RBFOX3: variants seen among roughly 807,000 people sequenced by gnomAD.
RBFOX3 encodes RNA binding protein fox-1 homolog 3.
A neutral mutation model predicts 48.7 loss-of-function variants in RBFOX3; 17 were observed. That is an observed-to-expected ratio of 0.35 (90% CI 0.24 to 0.52). The LOEUF (loss-of-function observed/expected upper bound fraction) is 0.52. RBFOX3 is among the 20% of genes least tolerant of loss of function. RBFOX3 has a pLI of 0.94. For synonymous variants in RBFOX3, 212 were observed against 209.5 expected, an observed-to-expected ratio of 1.01 and a Z score of -0.10; for missense variants, 382 against 497.5, an observed-to-expected ratio of 0.77 and a Z score of 2.21.
intron 2 of RBFOX3, among the ~76,000 whole-genome samples, chr17:79,372,528 G>A (rs2058703003): frequency 6.6e-6 from 1 of 151,720 alleles, no homozygotes; most frequent in African/African-American, 2.4e-5. Context: ...CCTGGCCCGG[G>A]CTCCCACCCC....
intron 4 of RBFOX3, among the ~76,000 whole-genome samples, chr17:79,127,164 C>A (rs755082760): frequency 1.6e-4 from 24 of 152,192 alleles, no homozygotes; most frequent in Non-Finnish European, 3.4e-4. Flanking sequence ...CAAATTATCA[C>A]CCGACGTCAC....
intron 1 of RBFOX3, among the ~76,000 whole-genome samples, chr17:79,530,865 A>C (rs2087639512): frequency 6.6e-6 from 1 of 152,222 alleles, no homozygotes; most frequent in Admixed American, 6.5e-5. Flanking sequence ...TGTTTGCAGC[A>C]GCGGATTCTA....
chr17:79,379,761 G>A (rs570129968), intron 2 of RBFOX3, among the ~76,000 whole-genome samples: 18 of 152,120 alleles, frequency 1.2e-4, no homozygotes, highest in South Asian at 2.1e-4. Context: ...TCCAATTCCC[G>A]GTCCAGATCG....
intron 4 of RBFOX3, among the ~76,000 whole-genome samples, chr17:79,190,351 C>A (rs900117245): frequency 6.9e-6 from 1 of 144,186 alleles, no homozygotes; most frequent in African/African-American, 2.6e-5. Flanking sequence ...GCGGAGGATG[C>A]GGTGAGCCGT....
chr17:79,420,446 T>C (rs2066129288), intron 2 of RBFOX3, among the ~76,000 whole-genome samples: 1 of 152,208 alleles, frequency 6.6e-6, no homozygotes, highest in Non-Finnish European at 1.5e-5. Context: ...GCCCCAGGGC[T>C]GCTGGGCGGA....
In RBFOX3 at chr17:79,388,687, C is replaced by T. The variant is rs1035737162; in HGVS notation, c.-174-80863G>A. 3.3e-5 allele frequency among the ~76,000 whole-genome samples: 5 copies of T among 152,212 alleles called. No individual in the cohort carries two copies. In the South Asian group the frequency reaches 6.2e-4, roughly 19 times the overall value. On this transcript the variant is annotated intron_variant, in intron 2 of 14. Transcript: ENST00000693108. ...CTCTAGTGGCCACGGAGGATGTCCA[C>T]GTCCCGGCCAGGGTTCCCGGCAAGG... is the stretch of plus-strand genomic sequence containing the variant.
intron 3 of RBFOX3, among the ~76,000 whole-genome samples, chr17:79,297,299 C>T (rs1020365811): frequency 6.6e-6 from 1 of 152,190 alleles, no homozygotes; most frequent in Admixed American, 6.5e-5. Context: ...CCCAGGCAGG[C>T]TTATCTATGG....
At chr17:79,531,631 C>T (rs1200939488) in intron 1 of RBFOX3, among the ~76,000 whole-genome samples, 2 of 152,166 alleles carry the variant, frequency 1.3e-5, no homozygotes, top group African/African-American at 4.8e-5. Flanking sequence ...AGGCCGGTCC[C>T]AACACCAGCC....
chr17:79,579,053 G>A (rs981930260), intron 1 of RBFOX3, among the ~76,000 whole-genome samples: 27 of 152,174 alleles, frequency 1.8e-4, no homozygotes, highest in African/African-American at 4.3e-4. Flanking sequence ...ATGCGTCTCC[G>A]TCGCGTTCCC....
intron 1 of RBFOX3, among the ~76,000 whole-genome samples, chr17:79,589,597 C>G (rs895063329): frequency 6.6e-6 from 1 of 152,326 alleles, no homozygotes; most frequent in East Asian, 1.9e-4. Flanking sequence ...AATCTCCTCC[C>G]TGCTGCCTGC....
the RBFOX3 span, among the ~76,000 whole-genome samples, chr17:79,632,505 C>T: frequency 2.0e-5 from 3 of 152,090 alleles, no homozygotes; most frequent in Non-Finnish European, 2.9e-5. Flanking sequence ...TGCCTGCCTC[C>T]GCTCCACCTA....
intron 3 of RBFOX3, among the ~76,000 whole-genome samples, chr17:79,294,644 G>T (rs554482607): frequency 6.6e-6 from 1 of 152,288 alleles, no homozygotes; most frequent in African/African-American, 2.4e-5. Flanking sequence ...GCGGAATGGG[G>T]GAAGGCAGGA....
intron 1 of RBFOX3, among the ~76,000 whole-genome samples, chr17:79,539,275 C>T (rs2089322364): frequency 6.6e-6 from 1 of 152,062 alleles, no homozygotes; most frequent in South Asian, 2.1e-4. Flanking sequence ...TCACTTGAGC[C>T]CAGGGGGTCA....
the RBFOX3 span, among the ~76,000 whole-genome samples, chr17:79,658,354 C>A: frequency 8.6e-6 from 1 of 116,092 alleles, no homozygotes; most frequent in South Asian, 3.2e-4. Flanking sequence ...CCCTCCACCC[C>A]TCCCTCTCTC....
chr17:79,597,423 A>G (rs2093596930), intron 1 of RBFOX3, among the ~76,000 whole-genome samples: 1 of 152,196 alleles, frequency 6.6e-6, no homozygotes, highest in Non-Finnish European at 1.5e-5. Flanking sequence ...AAGAGGAGGC[A>G]CAGGGGAAAA....
rs964995541 is a variant in RBFOX3, at chr17:79,204,535, G to A, written c.-34+31231C>T. Among the ~76,000 whole-genome samples the A allele has an allele frequency of 2.0e-5, 3 of 152,200 alleles. No individual in the cohort carries two copies. Among genetic ancestry groups the A allele is most frequent in the African/African-American group, 7.2e-5 (3 of 41,442 alleles). Reference sequence around the variant, plus strand: ...AGGTCGACGCGCTGGAACTACTTTGGTGGAGTATTAAAGAAGGGGTCCGAA... The same window carrying A: ...AGGTCGACGCGCTGGAACTACTTTGATGGAGTATTAAAGAAGGGGTCCGAA... On this transcript the variant is annotated intron_variant, in intron 4 of 14. Coordinates refer to ENST00000693108, the MANE Select transcript of RBFOX3 (RefSeq NM_001350451.2). This position sits in a 1 kb window ranked among gnomAD's most constrained non-coding sequence, Gnocchi z 4.5.
At chr17:79,188,796 A>C (rs1012189587) in intron 4 of RBFOX3, among the ~76,000 whole-genome samples, 5 of 152,260 alleles carry the variant, frequency 3.3e-5, no homozygotes, top group African/African-American at 1.2e-4. Context: ...GAAAGCAGCC[A>C]GCACTGTGAT....
Position 79,610,886 on chromosome 17 carries a change from C to T in RBFOX3, c.-380G>A, listed in dbSNP as rs1193806607. On this transcript the variant is annotated 5_prime_UTR_variant, in exon 1 of 15. Transcript: ENST00000693108. The stretch of plus-strand genomic sequence containing the variant: ...CGGCGGCCATGCCCCGGCTGCATCC[C>T]GGCCGCCGAGCGGGCAGCGGCGTCC... 1.3e-5 allele frequency among the ~76,000 whole-genome samples: 2 copies of T among 151,612 alleles called. No homozygotes were observed. The highest frequency in any genetic ancestry group is 4.8e-5 in the African/African-American group (2 of 41,382).
At chr17:79,104,229 C>G in intron 6 of RBFOX3, 103 bp from the exon 7 acceptor site, 1 of 1,050,916 alleles carries the variant, frequency 9.5e-7, no homozygotes, top group Non-Finnish European at 1.4e-6. Flanking sequence ...CATGCCTGTG[C>G]TCTGCCCTCG....
Sources: allele counts gnomAD v4.1 joint callset (sites outside exome capture counted in the v4.1 genomes callset), GRCh38; gene constraint gnomAD v4.1.1; non-coding constraint Gnocchi (gnomAD v3.1); transcripts MANE v1.5; gene names NCBI Gene and HGNC (gene_info 2026-07-23, HGNC 2026-07-21).